The following CMTM3 variants were observed in gnomAD, a reference collection of about 807,000 sequenced individuals.
The protein encoded by CMTM3 is CKLF-like MARVEL transmembrane domain-containing protein 3.
CMTM3 carries 7 observed loss-of-function variants against 18.2 expected under a neutral mutation model. That is an observed-to-expected ratio of 0.38 (90% confidence interval 0.22 to 0.72). The LOEUF is 0.72. Ranked by LOEUF, CMTM3 falls within the 30% of genes least tolerant of loss-of-function variation. CMTM3 has a pLI of 0.46. For synonymous variants in CMTM3, 109 were observed against 111.2 expected (o/e 0.98, Z 0.12); for missense variants, 227 against 249.2 (o/e 0.91, Z 0.60).
rs2015088158 is a variant in CMTM3, at chr16:66,605,097, C to T, written c.147+145C>T. 5 of 823,972 alleles carry T rather than the reference C, an allele frequency of 6.1e-6. No homozygotes were observed. The East Asian group carries it at 1.1e-4, about 17-fold the overall frequency. 51.0% of individuals were successfully genotyped at this position (823,972 alleles called of 1,614,324 possible). A position where few individuals can be genotyped will look rare whatever the true frequency, so the allele number is the denominator to read the frequency against. Reference sequence around the variant, plus strand: ...GCCGCCTCGGCCGACTTCTCTCGGGCGCCTGGCGAAGTTGGGTCGAGGTCC... The same window carrying T: ...GCCGCCTCGGCCGACTTCTCTCGGGTGCCTGGCGAAGTTGGGTCGAGGTCC... On this transcript the variant is annotated intron_variant, in intron 1 of 4. Coordinates refer to ENST00000567572, the MANE Select transcript of CMTM3 (RefSeq NM_181553.4). The surrounding 1 kb of genome is among the most constrained non-coding windows in gnomAD (Gnocchi z 4.6).
At chr16:66,604,596 C>T (rs2015050733), upstream of CMTM3, 2 of 337,750 alleles carry the variant, frequency 5.9e-6, no homozygotes, top group East Asian at 9.6e-5. Flanking sequence ...GGGGGCGGGT[C>T]GGGCCCAGCA....
At position 66,608,141 on chromosome 16, in the gene CMTM3, T is replaced by C. The variant is rs563325846; in HGVS notation, c.148-168T>C. Among the ~76,000 whole-genome samples, 2 of 152,320 alleles carry C rather than the reference T, an allele frequency of 1.3e-5. No homozygotes were observed. The highest frequency in any genetic ancestry group is 3.9e-4 in the East Asian group (2 of 5,174). On this transcript the variant is annotated intron_variant, in intron 1 of 4. Transcript: ENST00000567572. This position sits in a 1 kb window ranked among gnomAD's most constrained non-coding sequence, Gnocchi z 5.1. ...GATTACAGGTGTGAGCCACTGTGCT[T>C]GGCCTGGGATTCTAATCTGGCTCTG...
In CMTM3 at chr16:66,610,679, G is replaced by C. The variant is rs1023156562; in HGVS notation, c.520+676G>C. On this transcript the variant is annotated intron_variant, in intron 4 of 4. Transcript: ENST00000567572. The surrounding 1 kb of genome is among the most constrained non-coding windows in gnomAD (Gnocchi z 4.6). ...GCAGAGACAGCAGGCGCTTCTGCCT[G>C]GGGAGATGCTTCTCTGGACCAGGCG... Among the ~76,000 whole-genome samples, 1 of 152,166 alleles carries C rather than the reference G, an allele frequency of 6.6e-6. No individual in the cohort carries two copies. Among genetic ancestry groups the C allele is most frequent in the African/African-American group, 2.4e-5 (1 of 41,436 alleles).
intron 1 of CMTM3, among the ~76,000 whole-genome samples, chr16:66,607,619 C>T (rs138767475): frequency 1.3e-5 from 2 of 152,296 alleles, no homozygotes; most frequent in Non-Finnish European, 2.9e-5. Context: ...CATTCAGTGA[C>T]GAGCACACGT....
At position 66,612,720 on chromosome 16, in the gene CMTM3, G is replaced by A; in HGVS notation, c.*83G>A. ...CAGGGGTCGCTGGCGTTGGAGCGGA[G>A]GCCTGGACTTCTGAGTTGCAGAGGG... On this transcript the variant is annotated 3_prime_UTR_variant, in exon 5 of 5. Coordinates refer to ENST00000567572, the MANE Select transcript of CMTM3 (RefSeq NM_181553.4). The surrounding 1 kb of genome is among the most constrained non-coding windows in gnomAD (Gnocchi z 6.0). The A allele has an allele frequency of 7.2e-7, 1 of 1,394,234 alleles. No homozygotes were observed. The highest frequency in any genetic ancestry group is 1.4e-5 in the African/African-American group (1 of 70,280). 86.4% of individuals were successfully genotyped at this position (1,394,234 alleles called of 1,614,324 possible). A position where few individuals can be genotyped will look rare whatever the true frequency, so the allele number is the denominator to read the frequency against.
chr16:66,605,084 G>T lies in CMTM3; in HGVS notation c.147+132G>T. The T allele has an allele frequency of 1.1e-6, 1 of 874,192 alleles. No individual in the cohort carries two copies. Among genetic ancestry groups the T allele is most frequent in the Non-Finnish European group, 1.5e-6 (1 of 648,526 alleles). 54.2% of individuals were successfully genotyped at this position (874,192 alleles called of 1,614,324 possible). On this transcript the variant is annotated intron_variant, in intron 1 of 4. Coordinates refer to ENST00000567572, the MANE Select transcript of CMTM3 (RefSeq NM_181553.4). This position sits in a 1 kb window ranked among gnomAD's most constrained non-coding sequence, Gnocchi z 4.6. ...ACCCCCTCTCCGCGCCGCCTCGGCC[G>T]ACTTCTCTCGGGCGCCTGGCGAAGT...
rs373886802 is a variant in CMTM3, at chr16:66,612,751, C to T, written c.*114C>T. ...GACTTCTGAGTTGCAGAGGGGGCTG[C>T]GGACACAGCAGGCCCCCTACAGCCT... On this transcript the variant is annotated 3_prime_UTR_variant, in exon 5 of 5. Transcript: ENST00000567572. This position sits in a 1 kb window ranked among gnomAD's most constrained non-coding sequence, Gnocchi z 6.0. The T allele has an allele frequency of 2.8e-5, 29 of 1,042,366 alleles. No individual in the cohort carries two copies. Among genetic ancestry groups the T allele is most frequent in the East Asian group, 1.2e-4 (5 of 40,382 alleles). The allele number at this position is 1,042,366 out of a possible 1,614,324, so 64.6% of individuals were successfully genotyped here. A position where few individuals can be genotyped will look rare whatever the true frequency, so the allele number is the denominator to read the frequency against.
In CMTM3 at chr16:66,608,364, TCA is replaced by T. The variant is rs2015240413; in HGVS notation, c.206_207del (p.Thr69SerfsTer16). 1 of 1,614,098 alleles carries T rather than the reference TCA, an allele frequency of 6.2e-7. No individual in the cohort carries two copies. Among genetic ancestry groups the T allele is most frequent in the African/African-American group, 1.3e-5 (1 of 74,934 alleles). ...GTGGCGTCCTCAGCATCTGCCTTCC[TCA>T]CAGCGCCTCTGCTGGAGTTCCTGCT... On this transcript the variant is annotated frameshift_variant, in exon 2 of 5. Transcript: ENST00000567572. LOFTEE classifies it high-confidence loss of function. This position sits in a 1 kb window ranked among gnomAD's most constrained non-coding sequence, Gnocchi z 5.1.
At position 66,604,707 on chromosome 16, in the gene CMTM3, G is replaced by GT; in HGVS notation, c.-98dup. 3 of 975,070 alleles carry GT rather than the reference G, an allele frequency of 3.1e-6. No homozygotes were observed. Among genetic ancestry groups the GT allele is most frequent in the Admixed American group, 9.1e-5 (2 of 22,076 alleles). The allele number at this position is 975,070 out of a possible 1,614,324, so 60.4% of individuals were successfully genotyped here. A position where few individuals can be genotyped will look rare whatever the true frequency, so the allele number is the denominator to read the frequency against. On this transcript the variant is annotated 5_prime_UTR_variant, in exon 1 of 5. Coordinates refer to ENST00000567572, the MANE Select transcript of CMTM3 (RefSeq NM_181553.4). Reference sequence around the variant, plus strand: ...GGGATGCGCCCCTGCGCGAGCCAGTGTCGCCTGCCCTCCTTCCGCACAGCC... The same window carrying GT: ...GGGATGCGCCCCTGCGCGAGCCAGTGTTCGCCTGCCCTCCTTCCGCACAGCC...
In CMTM3 at chr16:66,612,546, G is replaced by T. The variant is rs536160698; in HGVS notation, c.521-63G>T. 23 of 1,569,152 alleles carry T rather than the reference G, an allele frequency of 1.5e-5. No individual in the cohort carries two copies. The highest frequency in any genetic ancestry group is 1.9e-5 in the Non-Finnish European group (22 of 1,143,752). ...AGCAACCCAGCTGTGCTTCCCCAGA[G>T]ACCGTTCCCAGGCACCGCTGCCCTG... is the stretch of plus-strand genomic sequence containing the variant. On this transcript the variant is annotated intron_variant, in intron 4 of 4. Coordinates refer to ENST00000567572, the MANE Select transcript of CMTM3 (RefSeq NM_181553.4). The surrounding 1 kb of genome is among the most constrained non-coding windows in gnomAD (Gnocchi z 6.0).
At position 66,609,301 on chromosome 16, in the gene CMTM3, TG is replaced by T; in HGVS notation, c.304-131del. 2 of 714,406 alleles carry T rather than the reference TG, an allele frequency of 2.8e-6. No homozygotes were observed. Among genetic ancestry groups the T allele is most frequent in the Non-Finnish European group, 4.7e-6 (2 of 428,180 alleles). 44.3% of individuals were successfully genotyped at this position (714,406 alleles called of 1,614,324 possible). ...GGGGTGGGACAAGGGCCTAGGCATG[TG>T]GGTGGGGCCAGGATGGGATAGGAGC... On this transcript the variant is annotated intron_variant, in intron 2 of 4. Coordinates refer to ENST00000567572, the MANE Select transcript of CMTM3 (RefSeq NM_181553.4). The surrounding 1 kb of genome is among the most constrained non-coding windows in gnomAD (Gnocchi z 4.4).
Position 66,604,969 on chromosome 16 carries a change from C to T in CMTM3, c.147+17C>T, listed in dbSNP as rs762692463. ...GCCGAGTCGGTGAGTGCGGCGGGAC[C>T]CTCGGCCGCCCCGCTAGGACTGCGC... On this transcript the variant is annotated intron_variant, in intron 1 of 4. Transcript: ENST00000567572. The T allele has an allele frequency of 1.3e-6, 2 of 1,482,094 alleles. No homozygotes were observed. Among genetic ancestry groups the T allele is most frequent in the Non-Finnish European group, 1.8e-6 (2 of 1,125,298 alleles). 91.8% of individuals were successfully genotyped at this position (1,482,094 alleles called of 1,614,324 possible). A position where few individuals can be genotyped will look rare whatever the true frequency, so the allele number is the denominator to read the frequency against.
chr16:66,604,944 G>A lies in CMTM3; in HGVS notation c.139G>A (p.Ala47Thr). Residue 47 changes from alanine (A) to threonine (T), a missense_variant, in exon 1 of 5, where the codon GCC becomes ACC. Ala to Thr is a moderately conservative substitution (Grantham distance 58, BLOSUM62 0). Coordinates refer to ENST00000567572, the MANE Select transcript of CMTM3 (RefSeq NM_181553.4). ...CTCTCTCAAAGGCCGCCTCCTGCTGGCCGAGTCGGTGAGTGCGGCGGGACC... is the reference window on the plus strand; with the variant it reads ...CTCTCTCAAAGGCCGCCTCCTGCTGACCGAGTCGGTGAGTGCGGCGGGACC... ...LCSLKGRLLL[A>T]ESGLSFITFI... The A allele has an allele frequency of 6.6e-7, 1 of 1,503,942 alleles. No homozygotes were observed. The highest frequency in any genetic ancestry group is 1.2e-5 in the South Asian group (1 of 80,488). 93.2% of individuals were successfully genotyped at this position (1,503,942 alleles called of 1,614,324 possible).
chr16:66,605,649 C>T lies in CMTM3; in HGVS notation c.147+697C>T, dbSNP rs2015121448. 6.5e-6 allele frequency: 1 copy of T among 153,620 alleles called. No homozygotes were observed. Among genetic ancestry groups the T allele is most frequent in the Admixed American group, 6.5e-5 (1 of 15,308 alleles). The allele number at this position is 153,620 out of a possible 1,614,324, so 9.5% of individuals were successfully genotyped here. On this transcript the variant is annotated intron_variant, in intron 1 of 4. Coordinates refer to ENST00000567572, the MANE Select transcript of CMTM3 (RefSeq NM_181553.4). The surrounding 1 kb of genome is among the most constrained non-coding windows in gnomAD (Gnocchi z 4.6). ...GGGGAGGCGGGAGGAGAGAGCGGCG[C>T]ACGGCGGCGGCCACTTGTTGCTTAG...
Position 66,605,065 on chromosome 16 carries a change from T to C in CMTM3, c.147+113T>C. The C allele has an allele frequency of 1.0e-6, 1 of 969,284 alleles. No individual in the cohort carries two copies. Among genetic ancestry groups the C allele is most frequent in the Non-Finnish European group, 1.4e-6 (1 of 734,870 alleles). 60.0% of individuals were successfully genotyped at this position (969,284 alleles called of 1,614,324 possible). On this transcript the variant is annotated intron_variant, in intron 1 of 4. Transcript: ENST00000567572. This position sits in a 1 kb window ranked among gnomAD's most constrained non-coding sequence, Gnocchi z 4.6. Reference sequence around the variant, plus strand: ...GCGGCCGCCGTGCTCCGATACCCCCTCTCCGCGCCGCCTCGGCCGACTTCT... The same window carrying C: ...GCGGCCGCCGTGCTCCGATACCCCCCCTCCGCGCCGCCTCGGCCGACTTCT...
chr16:66,605,196 G>A lies in CMTM3; in HGVS notation c.147+244G>A. ...GCTGTCCCCGCGAGTCCAGAGCTGG[G>A]GGCCGTGGGAAGTGGGTGGGGCCCG... On this transcript the variant is annotated intron_variant, in intron 1 of 4. Transcript: ENST00000567572. The surrounding 1 kb of genome is among the most constrained non-coding windows in gnomAD (Gnocchi z 4.6). The A allele has an allele frequency of 2.6e-6, 1 of 385,672 alleles. No homozygotes were observed. Among genetic ancestry groups the A allele is most frequent in the Admixed American group, 4.7e-5 (1 of 21,120 alleles). 23.9% of individuals were successfully genotyped at this position (385,672 alleles called of 1,614,324 possible).
At position 66,613,764 on chromosome 16, in the gene CMTM3, T is replaced by A. The variant is rs2015471189; in HGVS notation, c.*1127T>A. The stretch of plus-strand genomic sequence containing the variant: ...AGACTGACCACTTGCTTGGAGTGTG[T>A]GCTTGAAAAAACCAGAGCAATACTG... On this transcript the variant is annotated 3_prime_UTR_variant, in exon 5 of 5. Coordinates refer to ENST00000567572, the MANE Select transcript of CMTM3 (RefSeq NM_181553.4). 1 of 152,274 alleles carries A rather than the reference T, an allele frequency of 6.6e-6. No individual in the cohort carries two copies. The highest frequency in any genetic ancestry group is 2.4e-5 in the African/African-American group (1 of 41,452). The allele number at this position is 152,274 out of a possible 1,614,324, so 9.4% of individuals were successfully genotyped here.
In CMTM3 at chr16:66,613,432, G is replaced by A; in HGVS notation, c.*795G>A. On this transcript the variant is annotated 3_prime_UTR_variant, in exon 5 of 5. Coordinates refer to ENST00000567572, the MANE Select transcript of CMTM3 (RefSeq NM_181553.4). ...CTTCTTCCTAGAGCCCAGCCAGCAG[G>A]CAGGAGTTCCTGGACCCTCAGGACA... is the stretch of plus-strand genomic sequence containing the variant. 1 of 363,652 alleles carries A rather than the reference G, an allele frequency of 2.7e-6. No individual in the cohort carries two copies. Among genetic ancestry groups the A allele is most frequent in the Non-Finnish European group, 5.1e-6 (1 of 197,052 alleles). 22.5% of individuals were successfully genotyped at this position (363,652 alleles called of 1,614,324 possible). A position where few individuals can be genotyped will look rare whatever the true frequency, so the allele number is the denominator to read the frequency against.
chr16:66,610,173 G>A lies in CMTM3; in HGVS notation c.520+170G>A, dbSNP rs113600950. ...CTCATGCAGCACTGATCCAAAGCCA[G>A]TCCCATTCGCCTCGTGCACCCTCAC... On this transcript the variant is annotated intron_variant, in intron 4 of 4. Transcript: ENST00000567572. The surrounding 1 kb of genome is among the most constrained non-coding windows in gnomAD (Gnocchi z 4.6). 9.8e-5 allele frequency: 80 copies of A among 817,394 alleles called. No homozygotes were observed. In the African/African-American group the frequency reaches 1.2e-3, roughly 12 times the overall value. 50.6% of individuals were successfully genotyped at this position (817,394 alleles called of 1,614,324 possible). A position where few individuals can be genotyped will look rare whatever the true frequency, so the allele number is the denominator to read the frequency against.
Sources: allele counts gnomAD v4.1 joint callset (sites outside exome capture counted in the v4.1 genomes callset), GRCh38; gene constraint gnomAD v4.1.1; non-coding constraint Gnocchi (gnomAD v3.1); transcripts MANE v1.5; gene names NCBI Gene and HGNC (gene_info 2026-07-23, HGNC 2026-07-21).